Variants in NARS1 observed in about 807,000 individuals in gnomAD.
NARS1 encodes asparagine--tRNA ligase, cytoplasmic.
Under a neutral mutation model 79.2 loss-of-function variants are expected in NARS1, and 65 were observed. The observed-to-expected ratio is 0.82, with a 90% CI of 0.67 to 1.01. The LOEUF (loss-of-function observed/expected upper bound fraction) is 1.01, where lower values mean the gene tolerates loss of function less well. Ranked by LOEUF, NARS1 falls within the 50% of genes least tolerant of loss-of-function variation. The pLI is 0.00. For missense variants in NARS1, 649 were observed against 673.8 expected (o/e 0.96, Z 0.41); for synonymous variants, 229 against 238.8 (o/e 0.96, Z 0.38).
chr18:57,613,788 G>A, intron 4 of NARS1, 108 bp from the exon 5 acceptor site: 2 of 864,432 alleles, frequency 2.3e-6, no homozygotes, highest in Non-Finnish European at 3.7e-6. Context: ...CACAAATGGT[G>A]CAAAACTGGA....
At chr18:57,604,946 C>T (rs993079364) in intron 11 of NARS1, among the ~76,000 whole-genome samples, 9 of 152,022 alleles carry the variant, frequency 5.9e-5, no homozygotes, top group East Asian at 1.9e-4. Context: ...CAGGCAAAAC[C>T]GAAATGCTAA....
At position 57,621,786 on chromosome 18, in the gene NARS1, G is replaced by A. The variant is rs1193491587; in HGVS notation, c.-69C>T. ...ACCGACGCCGTCTTATGACTCCAAC[G>A]TGCACCGGCGGTTTCCGCGATTCCG... On this transcript the variant is annotated 5_prime_UTR_variant, in exon 1 of 14. The change creates a new upstream start codon in the 5' untranslated region. Coordinates refer to ENST00000256854, the MANE Select transcript of NARS1 (RefSeq NM_004539.4). 17 of 1,610,900 alleles carry A rather than the reference G, an allele frequency of 1.1e-5. No individual in the cohort carries two copies. Among genetic ancestry groups the A allele is most frequent in the East Asian group, 2.2e-5 (1 of 44,602 alleles).
At chr18:57,615,618 T>C (rs1907989381) in intron 4 of NARS1, 23 bp downstream of exon 4, 3 of 1,531,814 alleles carry the variant, frequency 2.0e-6, no homozygotes, top group Admixed American at 1.7e-5. Flanking sequence ...GTCCACGGTA[T>C]TTGAAAAGAT....
intron 13 of NARS1, 151 bp downstream of exon 13, chr18:57,602,204 A>G (rs1304349866): frequency 7.1e-6 from 5 of 699,366 alleles, no homozygotes; most frequent in Non-Finnish European, 1.1e-5. Flanking sequence ...AAAGCTGGCA[A>G]TATTCACACA....
Position 57,601,640 on chromosome 18 carries a change from T to C in NARS1, c.*12A>G, listed in dbSNP as rs200604529. 2,414 of 1,612,832 alleles carry C rather than the reference T, an allele frequency of 1.5e-3. 5 individuals carry two copies. The highest frequency in any genetic ancestry group is 1.8e-3 in the Non-Finnish European group (2,095 of 1,179,018). On this transcript the variant is annotated 3_prime_UTR_variant, in exon 14 of 14. Coordinates refer to ENST00000256854, the MANE Select transcript of NARS1 (RefSeq NM_004539.4). ...TTTCATAATCTTTCCTCCACGCTTCTGGAGAAAATGGTTATGGCGTGCAAC... is the reference window on the plus strand; with the variant it reads ...TTTCATAATCTTTCCTCCACGCTTCCGGAGAAAATGGTTATGGCGTGCAAC...
intron 4 of NARS1, 36 bp downstream of exon 4, chr18:57,615,605 C>A: frequency 7.0e-7 from 1 of 1,438,654 alleles, no homozygotes; most frequent in Non-Finnish European, 9.8e-7. Context: ...CTGATGTAGC[C>A]AAGTCCACGG....
In NARS1 at chr18:57,600,934, C is replaced by T. The variant is rs2051498819; in HGVS notation, c.*718G>A. On this transcript the variant is annotated 3_prime_UTR_variant, in exon 14 of 14. Transcript: ENST00000256854. ...CAGGAAAGAGGGAAAATCAATCTGC[C>T]TCTTTACCTTAAATTAATGCTAAGA... 1 of 152,152 alleles carries T rather than the reference C, an allele frequency of 6.6e-6. No homozygotes were observed. The highest frequency in any genetic ancestry group is 2.4e-5 in the African/African-American group (1 of 41,434). The allele number at this position is 152,152 out of a possible 1,614,324, so 9.4% of individuals were successfully genotyped here.
chr18:57,610,978 T>C (rs999508872), intron 6 of NARS1, among the ~76,000 whole-genome samples: 1 of 151,034 alleles, frequency 6.6e-6, no homozygotes, highest in African/African-American at 2.4e-5. Flanking sequence ...TTTTTTTTTT[T>C]TTTTTTGAGA....
rs1489932371 is a variant in NARS1 at position 57,600,991 on chromosome 18, C to G, written c.*661G>C. 1 of 152,160 alleles carries G rather than the reference C, an allele frequency of 6.6e-6. No individual in the cohort carries two copies. Among genetic ancestry groups the G allele is most frequent in the Admixed American group, 6.6e-5 (1 of 15,266 alleles). The allele number at this position is 152,160 out of a possible 1,614,324, so 9.4% of individuals were successfully genotyped here. On this transcript the variant is annotated 3_prime_UTR_variant, in exon 14 of 14. Transcript: ENST00000256854. ...CTGTGAATCACTAAAAAACTCTCCC[C>G]AAAATTATGTTCTTACTTCAAATCC...
intron 6 of NARS1, among the ~76,000 whole-genome samples, chr18:57,609,825 T>G (rs113252973): frequency 2.7e-3 from 408 of 152,234 alleles, no homozygotes; most frequent in African/African-American, 9.7e-3. Flanking sequence ...GGAGGCTAAG[T>G]TGAGAGGCTC....
rs113024945 is a variant in NARS1, at chr18:57,615,529, G to C, written c.342+112C>G. On this transcript the variant is annotated intron_variant, in intron 4 of 13. Transcript: ENST00000256854. ...AAATAAATAAATAAATAAATAAATG[G>C]AAAGTAAAAACAAAATGTAAAGGAA... The C allele has an allele frequency of 8.3e-3, 5,852 of 706,578 alleles. 129 individuals are homozygous for C. The highest frequency in any genetic ancestry group is 0.056 in the African/African-American group (3,071 of 55,042). 43.8% of individuals were successfully genotyped at this position (706,578 alleles called of 1,614,324 possible). A position where few individuals can be genotyped will look rare whatever the true frequency, so the allele number is the denominator to read the frequency against.
intron 6 of NARS1, 47 bp downstream of exon 6, chr18:57,611,590 T>C (rs770655114): frequency 3.3e-5 from 41 of 1,245,992 alleles, no homozygotes; most frequent in Non-Finnish European, 3.8e-5. Context: ...TAAAGGAATC[T>C]ACTGAAAACA....
chr18:57,619,002 C>A (rs368455291), intron 2 of NARS1, among the ~76,000 whole-genome samples: 406 of 152,222 alleles, frequency 2.7e-3, no homozygotes, highest in African/African-American at 9.6e-3. Context: ...GAGAATGCTC[C>A]CAGATTAGGA....
intron 2 of NARS1, among the ~76,000 whole-genome samples, chr18:57,619,861 T>A (rs1289509624): frequency 6.6e-6 from 1 of 152,034 alleles, no homozygotes; most frequent in Non-Finnish European, 1.5e-5. Context: ...CTAATTTTTA[T>A]GTTTTTTGTA....
intron 10 of NARS1, among the ~76,000 whole-genome samples, chr18:57,606,207 G>C (rs1029176434): frequency 3.3e-5 from 5 of 151,730 alleles, no homozygotes; most frequent in Non-Finnish European, 5.9e-5. Context: ...CAATTAGCTG[G>C]GGGTGGTGGT....
At position 57,606,809 on chromosome 18, in the gene NARS1, GC is replaced by G. The variant is rs1291263499; in HGVS notation, c.1002-59del. The G allele has an allele frequency of 2.5e-6, 4 of 1,600,642 alleles. No homozygotes were observed. The Admixed American group carries it at 6.8e-5, about 27-fold the overall frequency. ...TTCTCCTGCACTGGTTTTTTATCCA[GC>G]AAGGCTTTTAACATTGGGAAGCTGT... On this transcript the variant is annotated intron_variant, in intron 9 of 13. Transcript: ENST00000256854.
At chr18:57,610,960 ATTATC>A (rs2051599996) in intron 6 of NARS1, among the ~76,000 whole-genome samples, 1 of 139,106 alleles carries the variant, frequency 7.2e-6, no homozygotes. Flanking sequence ...GTAGGTGACT[ATTATC>A]TTTTTTTTTT....
chr18:57,608,222 G>T (rs1399233815), intron 7 of NARS1, among the ~76,000 whole-genome samples: 1 of 151,820 alleles, frequency 6.6e-6, no homozygotes, highest in Non-Finnish European at 1.5e-5. Flanking sequence ...TCACTGAGGC[G>T]GGTGGATAAC....
rs317831 is a variant in NARS1 at position 57,603,214 on chromosome 18, A to T, written c.1252-271T>A. 8.0e-3 allele frequency among the ~76,000 whole-genome samples: 1,164 copies of T among 146,296 alleles called. 18 individuals carry two copies. Among genetic ancestry groups the T allele is most frequent in the African/African-American group, 0.029 (1,117 of 38,396 alleles). ...ACCATGCTGTTTGATGAAGGAAAAT[A>T]AAAAAAAAAACAAAAACAAAAGCCA... On this transcript the variant is annotated intron_variant, in intron 11 of 13. Coordinates refer to ENST00000256854, the MANE Select transcript of NARS1 (RefSeq NM_004539.4).
Sources: allele counts gnomAD v4.1 joint callset (sites outside exome capture counted in the v4.1 genomes callset), GRCh38; gene constraint gnomAD v4.1.1; transcripts MANE v1.5; gene names NCBI Gene and HGNC (gene_info 2026-07-23, HGNC 2026-07-21).